The following ADAMTS12 variants were observed in gnomAD, a reference collection of about 807,000 sequenced individuals.
ADAMTS12 encodes A disintegrin and metalloproteinase with thrombospondin motifs 12.
In ADAMTS12, 118 loss-of-function variants were observed where a neutral mutation model predicts 167.8. The ratio of observed to expected loss-of-function variants is 0.70; its 90% CI spans 0.61 to 0.82. The LOEUF (loss-of-function observed/expected upper bound fraction) is 0.82. ADAMTS12 is among the 40% of genes least tolerant of loss of function. ADAMTS12 has a pLI of 0.00. For missense variants in ADAMTS12, 1,916 were observed against 1,998.8 expected (o/e 0.96, Z 0.79); for synonymous variants, 704 against 716.9 (o/e 0.98, Z 0.29).
chr5:33,547,247 T>C (rs1745029032), intron 21 of ADAMTS12, among the ~76,000 whole-genome samples: 1 of 152,156 alleles, frequency 6.6e-6, no homozygotes, highest in Non-Finnish European at 1.5e-5. Context: ...GGTTCTCAAA[T>C]GCTCCTCAGA....
At chr5:33,862,237 G>A (rs1356063461) in intron 2 of ADAMTS12, among the ~76,000 whole-genome samples, 3 of 152,114 alleles carry the variant, frequency 2.0e-5, no homozygotes, top group African/African-American at 7.2e-5. Flanking sequence ...AATGAATCCA[G>A]GAGCTGATTT....
At chr5:33,779,074 C>G (rs2112438139) in intron 2 of ADAMTS12, among the ~76,000 whole-genome samples, 1 of 151,974 alleles carries the variant, frequency 6.6e-6, no homozygotes, top group African/African-American at 2.4e-5. Context: ...TAAATTAGAA[C>G]AGCCATTATA....
chr5:33,781,611 A>G (rs1297372957), intron 2 of ADAMTS12, among the ~76,000 whole-genome samples: 1 of 152,220 alleles, frequency 6.6e-6, no homozygotes, highest in Non-Finnish European at 1.5e-5. Context: ...ACTGGGAGAC[A>G]CTGACTATAA....
intron 2 of ADAMTS12, among the ~76,000 whole-genome samples, chr5:33,801,203 T>C (rs115898565): frequency 0.015 from 2,244 of 152,326 alleles, 66 homozygotes; most frequent in African/African-American, 0.052. Context: ...TTCTGGCCTC[T>C]AGAACTAAGA....
intron 2 of ADAMTS12, among the ~76,000 whole-genome samples, chr5:33,802,031 T>C (rs929208005): frequency 1.3e-5 from 2 of 152,162 alleles, no homozygotes; most frequent in Non-Finnish European, 2.9e-5. Context: ...CAGTGCCTTA[T>C]AAGAAAGGCC....
chr5:33,732,192 C>T (rs1042685229), intron 3 of ADAMTS12, among the ~76,000 whole-genome samples: 10 of 152,302 alleles, frequency 6.6e-5, no homozygotes, highest in African/African-American at 2.2e-4. Context: ...TATTCACCAT[C>T]TCCCTTCTCA....
intron 2 of ADAMTS12, among the ~76,000 whole-genome samples, chr5:33,811,923 C>T (rs952970819): frequency 9.9e-5 from 15 of 152,064 alleles, no homozygotes; most frequent in African/African-American, 3.6e-4. Flanking sequence ...TACAGATGAA[C>T]TTGGGAGGTG....
chr5:33,718,499 C>T (rs1465831198), intron 3 of ADAMTS12, among the ~76,000 whole-genome samples: 2 of 152,102 alleles, frequency 1.3e-5, no homozygotes, highest in Non-Finnish European at 2.9e-5. Context: ...GTTGTGTGCT[C>T]CTTATGAGAA....
intron 2 of ADAMTS12, among the ~76,000 whole-genome samples, chr5:33,769,637 A>C (rs1745670110): frequency 6.6e-6 from 1 of 152,236 alleles, no homozygotes; most frequent in South Asian, 2.1e-4. Context: ...AAGTTTGGCA[A>C]GGTTCAAATA....
chr5:33,535,102 AC>A, intron 22 of ADAMTS12, 110 bp from the exon 23 acceptor site: 1 of 1,154,936 alleles, frequency 8.7e-7, no homozygotes, highest in Non-Finnish European at 1.2e-6. Context: ...CATCTCAATA[AC>A]CAGAAACCTT....
chr5:33,748,970 A>G (rs747970760), intron 3 of ADAMTS12, among the ~76,000 whole-genome samples: 4 of 152,224 alleles, frequency 2.6e-5, no homozygotes, highest in Non-Finnish European at 4.4e-5. Flanking sequence ...GCTACTGTTT[A>G]AACAGTAACT....
At chr5:33,801,388 T>A (rs1413897214) in intron 2 of ADAMTS12, among the ~76,000 whole-genome samples, 2 of 152,182 alleles carry the variant, frequency 1.3e-5, no homozygotes, top group Non-Finnish European at 2.9e-5. Context: ...TTTGCTCACA[T>A]CATAACTGAG....
intron 3 of ADAMTS12, among the ~76,000 whole-genome samples, chr5:33,685,630 A>G (rs1394120726): frequency 1.3e-5 from 2 of 152,228 alleles, no homozygotes; most frequent in African/African-American, 2.4e-5. Flanking sequence ...TTTTACTTCA[A>G]AATAATAATG....
chr5:33,791,469 A>T (rs552216194), intron 2 of ADAMTS12, among the ~76,000 whole-genome samples: 23 of 152,214 alleles, frequency 1.5e-4, no homozygotes, highest in African/African-American at 3.4e-4. Context: ...TGCCTTAAAA[A>T]TTTTTTTTAA....
rs200487641 is a variant in ADAMTS12, at chr5:33,715,309, A to ACTTACAGG, written c.635-31255_635-31254insCCTGTAAG. Among the ~76,000 whole-genome samples the ACTTACAGG allele has an allele frequency of 4.9e-3, 745 of 152,198 alleles. 9 individuals are homozygous for ACTTACAGG. The highest frequency in any genetic ancestry group is 0.017 in the African/African-American group (711 of 41,552). ...GAAATCAGTATGTCTCTATTCTGTG[A>ACTTACAGG]CAGTAAAGAGGAAGTTTGAAGGCAT... On this transcript the variant is annotated intron_variant, in intron 3 of 23. Coordinates refer to ENST00000504830, the MANE Select transcript of ADAMTS12 (RefSeq NM_030955.4).
chr5:33,648,839 A>G lies in ADAMTS12; in HGVS notation c.1462T>C (p.Phe488Leu). 1 of 1,614,036 alleles carries G rather than the reference A, an allele frequency of 6.2e-7. No individual in the cohort carries two copies. The highest frequency in any genetic ancestry group is 8.5e-7 in the Non-Finnish European group (1 of 1,179,954). ...ACACTTACTTCTACTTCCTGGCAGA[A>G]GGTAGCATTGGGTCCATATTGTAGC... ...CQLQYGPNAT[F>L]CQEVENVCQT... Residue 488 changes from phenylalanine (F) to leucine (L), a missense_variant, in exon 9 of 24, where the codon TTC becomes CTC. Physicochemically the swap from Phe to Leu is conservative, Grantham distance 22. Transcript: ENST00000504830.
intron 23 of ADAMTS12, among the ~76,000 whole-genome samples, chr5:33,527,907 T>C (rs917821029): frequency 6.6e-6 from 1 of 152,106 alleles, no homozygotes; most frequent in South Asian, 2.1e-4. Context: ...GGCTGACCTA[T>C]AGATGCTCAG....
intron 5 of ADAMTS12, among the ~76,000 whole-genome samples, chr5:33,668,313 C>T (rs144566487): frequency 6.6e-6 from 1 of 152,244 alleles, no homozygotes; most frequent in East Asian, 1.9e-4. Context: ...ATTATATGGG[C>T]ACTCGAAGTA....
chr5:33,648,964 C>G lies in ADAMTS12; in HGVS notation c.1337G>C (p.Arg446Pro), dbSNP rs201968522. Residue 446 changes from arginine (R) to proline (P), a missense_variant and splice_region_variant, in exon 9 of 24, where the codon CGA becomes CCA. Coordinates refer to ENST00000504830, the MANE Select transcript of ADAMTS12 (RefSeq NM_030955.4). ...GTCATCAAGACAGAACCCCCAGCCT[C>G]GGCTGAAAACAAGTTAACAGAAATG... ...SEEYITRFLD[R>P]GWGFCLDDIP... 1.2e-6 allele frequency: 2 copies of G among 1,613,442 alleles called. No homozygotes were observed. Among genetic ancestry groups the G allele is most frequent in the Non-Finnish European group, 1.7e-6 (2 of 1,179,628 alleles).
Sources: gnomAD v4.1 joint callset for allele counts (sites outside exome capture counted in the v4.1 genomes callset) on GRCh38, gnomAD v4.1.1 for gene constraint, MANE v1.5 for transcripts, NCBI Gene and HGNC (gene_info 2026-07-23, HGNC 2026-07-21) for gene names.